LMOD2: variants seen among roughly 807,000 people sequenced by gnomAD.
The protein encoded by LMOD2 is leiomodin-2.
Under a neutral mutation model 41.7 loss-of-function variants are expected in LMOD2, and 27 were observed. The observed-to-expected ratio is 0.65, with a 90% CI of 0.48 to 0.89. The LOEUF (loss-of-function observed/expected upper bound fraction) is 0.89, where lower values mean the gene tolerates loss of function less well. Among genes scored for constraint, LMOD2 ranks in the 40% least tolerant of loss-of-function variants. LMOD2 has a pLI of 0.00. For missense variants in LMOD2, 624 were observed against 667.9 expected (o/e 0.93, Z 0.72); for synonymous variants, 251 against 244.6 (o/e 1.03, Z -0.25).
chr7:123,662,035 C>A lies in LMOD2; in HGVS notation c.449C>A (p.Thr150Asn). 6.3e-7 allele frequency: 1 copy of A among 1,582,760 alleles called. No homozygotes were observed. The highest frequency in any genetic ancestry group is 8.6e-7 in the Non-Finnish European group (1 of 1,163,412). ...TIETAKGING[T>N]VNYDSVNSDN... ...GAAACTGCAAAAGGGATTAATGGAACTGTAAATTATGATAGTGTCAATTCT... is the reference window on the plus strand; with the variant it reads ...GAAACTGCAAAAGGGATTAATGGAAATGTAAATTATGATAGTGTCAATTCT... Residue 150 changes from threonine (T) to asparagine (N), a missense_variant, in exon 2 of 3, where the codon ACT becomes AAT. By Grantham distance (65) the Thr-to-Asn change is moderately conservative. Transcript: ENST00000458573. The surrounding 1 kb of genome is among the most constrained non-coding windows in gnomAD (Gnocchi z 4.0).
intron 2 of LMOD2, chr7:123,663,406 G>A (rs1009692270): frequency 1.9e-5 from 13 of 677,814 alleles, no homozygotes; most frequent in African/African-American, 9.1e-5. Flanking sequence ...CGCCTGGGCC[G>A]CTTTCCCAGC....
rs1379393279 is a variant in LMOD2, at chr7:123,662,027, T to C, written c.441T>C (p.Ile147=). The change falls in exon 2 of 3, where the codon ATT becomes ATC. Residue 147 remains isoleucine, a synonymous_variant. Coordinates refer to ENST00000458573, the MANE Select transcript of LMOD2 (RefSeq NM_207163.3). The surrounding 1 kb of genome is among the most constrained non-coding windows in gnomAD (Gnocchi z 4.0). ...GAACAATTGAAACTGCAAAAGGGAT[T>C]AATGGAACTGTAAATTATGATAGTG... ...EERTIETAKG[I]NGTVNYDSVN... is the part of the protein sequence containing the mutation. 6.3e-7 allele frequency: 1 copy of C among 1,576,588 alleles called. No individual in the cohort carries two copies.
chr7:123,656,138 AC>A lies in LMOD2; in HGVS notation c.180del (p.Thr61GlnfsTer9). On this transcript the variant is annotated frameshift_variant, in exon 1 of 3. Transcript: ENST00000458573. LOFTEE classifies it high-confidence loss of function. The stretch of plus-strand genomic sequence containing the variant: ...AAGGCAAAAGAGCCTGACAGAGAAA[AC>A]CCCCACAGGGACATTCAGCAGAGAG... ...GLRQKSLTEK[T>X]PTGTFSREAL... 6.2e-7 allele frequency: 1 copy of A among 1,609,620 alleles called. No individual in the cohort carries two copies. The highest frequency in any genetic ancestry group is 8.5e-7 in the Non-Finnish European group (1 of 1,178,080).
chr7:123,661,292 T>C (rs1182126781), intron 1 of LMOD2, among the ~76,000 whole-genome samples: 1 of 152,214 alleles, frequency 6.6e-6, no homozygotes, highest in Non-Finnish European at 1.5e-5. Context: ...TGCTTCTGTC[T>C]ACACTGAGGC....
At chr7:123,659,006 G>A (rs563500822) in intron 1 of LMOD2, among the ~76,000 whole-genome samples, 2 of 152,160 alleles carry the variant, frequency 1.3e-5, no homozygotes, top group Non-Finnish European at 2.9e-5. Context: ...CAAAATTCAT[G>A]TATAACTTTT....
intron 1 of LMOD2, among the ~76,000 whole-genome samples, chr7:123,661,246 C>T (rs1450750099): frequency 6.6e-6 from 1 of 152,196 alleles, no homozygotes; most frequent in Non-Finnish European, 1.5e-5. Flanking sequence ...ACCGTAGAAG[C>T]AGATAAATAA....
In LMOD2 at chr7:123,663,760, G is replaced by A; in HGVS notation, c.*15G>A. 1 of 1,571,138 alleles carries A rather than the reference G, an allele frequency of 6.4e-7. No individual in the cohort carries two copies. The highest frequency in any genetic ancestry group is 8.7e-7 in the Non-Finnish European group (1 of 1,155,856). ...CCCTGCGATAAAAACATGATCTTTA[G>A]AAGAGGATGCAGAACTGTTCAGTGG... On this transcript the variant is annotated 3_prime_UTR_variant, in exon 3 of 3. Coordinates refer to ENST00000458573, the MANE Select transcript of LMOD2 (RefSeq NM_207163.3).
intron 1 of LMOD2, among the ~76,000 whole-genome samples, chr7:123,659,108 A>G (rs1482735472): frequency 6.6e-6 from 1 of 152,210 alleles, no homozygotes; most frequent in African/African-American, 2.4e-5. Context: ...TTTGAATGTG[A>G]TATGTACATA....
In LMOD2 at chr7:123,662,563, C is replaced by G. The variant is rs748703081; in HGVS notation, c.977C>G (p.Thr326Arg). The G allele has an allele frequency of 1.2e-6, 2 of 1,613,900 alleles. No individual in the cohort carries two copies. The highest frequency in any genetic ancestry group is 3.3e-5 in the Admixed American group (2 of 60,022). ...MEIVKLLKEN[T>R]TLLRLGYHFE... ...ATTGTCAAGCTGCTGAAGGAGAACA[C>G]GACGCTGCTGAGGCTGGGATACCAT... The change falls in exon 2 of 3, where the codon ACG (threonine) becomes AGG (arginine). Residue 326 changes from threonine (T) to arginine (R), a missense_variant. Coordinates refer to ENST00000458573, the MANE Select transcript of LMOD2 (RefSeq NM_207163.3). This position sits in a 1 kb window ranked among gnomAD's most constrained non-coding sequence, Gnocchi z 4.0.
At position 123,662,001 on chromosome 7, in the gene LMOD2, A is replaced by T; in HGVS notation, c.415A>T (p.Arg139Ter). 6.4e-7 allele frequency: 1 copy of T among 1,564,602 alleles called. No individual in the cohort carries two copies. Among genetic ancestry groups the T allele is most frequent in the Non-Finnish European group, 8.7e-7 (1 of 1,153,706 alleles). The change falls in exon 2 of 3, where the codon AGA becomes TGA. Residue 139 changes from arginine to a stop codon, truncating the protein, a stop_gained. Coordinates refer to ENST00000458573, the MANE Select transcript of LMOD2 (RefSeq NM_207163.3). LOFTEE classifies it high-confidence loss of function. This position sits in a 1 kb window ranked among gnomAD's most constrained non-coding sequence, Gnocchi z 4.0. ...GGAAGAAGACAGTGACGAAGAGGAA[A>T]GAACAATTGAAACTGCAAAAGGGAT... ...EEEEDSDEEE[R>*]TIETAKGING...
intron 1 of LMOD2, among the ~76,000 whole-genome samples, chr7:123,656,938 G>T (rs1477219392): frequency 1.3e-5 from 2 of 152,044 alleles, no homozygotes; most frequent in Non-Finnish European, 2.9e-5. Context: ...AATAGCCCTG[G>T]GCTTGTGCAA....
rs1258698387 is a variant in LMOD2 at position 123,662,571 on chromosome 7, C to T, written c.985C>T (p.Leu329=). Residue 329 remains leucine, a synonymous_variant, in exon 2 of 3, where the codon CTG becomes TTG. Coordinates refer to ENST00000458573, the MANE Select transcript of LMOD2 (RefSeq NM_207163.3). This position sits in a 1 kb window ranked among gnomAD's most constrained non-coding sequence, Gnocchi z 4.0. ...VKLLKENTTL[L]RLGYHFELPG... Reference sequence around the variant, plus strand: ...GCTGCTGAAGGAGAACACGACGCTGCTGAGGCTGGGATACCATTTTGAACT... The same window carrying T: ...GCTGCTGAAGGAGAACACGACGCTGTTGAGGCTGGGATACCATTTTGAACT... 2 of 1,613,950 alleles carry T rather than the reference C, an allele frequency of 1.2e-6. No homozygotes were observed. The highest frequency in any genetic ancestry group is 1.7e-6 in the Non-Finnish European group (2 of 1,179,892).
intron 1 of LMOD2, among the ~76,000 whole-genome samples, chr7:123,660,323 TCACACACACACA>T (rs35608504): frequency 6.8e-6 from 1 of 147,358 alleles, no homozygotes; most frequent in African/African-American, 2.5e-5. Context: ...TCTCTCTCTC[TCACACACACACA>T]CACACACAGA....
intron 1 of LMOD2, among the ~76,000 whole-genome samples, chr7:123,659,894 G>C (rs1156340683): frequency 6.6e-6 from 1 of 152,120 alleles, no homozygotes; most frequent in East Asian, 1.9e-4. Flanking sequence ...TACATTATAA[G>C]GGGAAAACAG....
At chr7:123,656,655 G>A (rs934134238) in intron 1 of LMOD2, among the ~76,000 whole-genome samples, 1 of 152,090 alleles carries the variant, frequency 6.6e-6, no homozygotes, top group African/African-American at 2.4e-5. Context: ...AAAGACAAAA[G>A]TGGGAACGCT....
chr7:123,662,807 C>A lies in LMOD2; in HGVS notation c.1221C>A (p.Val407=). The A allele has an allele frequency of 6.2e-7, 1 of 1,613,590 alleles. No individual in the cohort carries two copies. Among genetic ancestry groups the A allele is most frequent in the Non-Finnish European group, 8.5e-7 (1 of 1,179,808 alleles). Residue 407 remains valine (V), a synonymous_variant, in exon 2 of 3, where the codon GTC becomes GTA. Coordinates refer to ENST00000458573, the MANE Select transcript of LMOD2 (RefSeq NM_207163.3). The surrounding 1 kb of genome is among the most constrained non-coding windows in gnomAD (Gnocchi z 4.0). ...PWSSPKLPKK[V]QTVRSRPLSP... ...CATCCCCAAAACTCCCCAAAAAAGT[C>A]CAGACTGTGAGGAGCCGTCCTCTGT...
At chr7:123,656,371 A>G in intron 1 of LMOD2, 135 bp downstream of exon 1, 1 of 917,754 alleles carries the variant, frequency 1.1e-6, no homozygotes, top group Admixed American at 2.9e-5. Flanking sequence ...TTGCTACTAA[A>G]TCATTTTTCA....
rs1802780555 is a variant in LMOD2, at chr7:123,656,017, G to A, written c.54G>A (p.Glu18=). The change falls in exon 1 of 3, where the codon GAG becomes GAA. Residue 18 remains glutamate, a synonymous_variant. Transcript: ENST00000458573. ...RGLSKYESID[E]DELLASLSAE... ...TCAGTAAATACGAATCCATCGACGA[G>A]GATGAACTCCTCGCCTCCCTGTCAG... The A allele has an allele frequency of 1.2e-6, 2 of 1,610,122 alleles. No homozygotes were observed. Among genetic ancestry groups the A allele is most frequent in the Admixed American group, 1.7e-5 (1 of 59,490 alleles).
intron 1 of LMOD2, among the ~76,000 whole-genome samples, chr7:123,657,931 A>C (rs557134102): frequency 6.8e-6 from 1 of 147,632 alleles, no homozygotes; most frequent in South Asian, 2.2e-4. Flanking sequence ...TTGAGGCTGC[A>C]GTGAGCTATG....
Sources: allele counts gnomAD v4.1 joint callset (sites outside exome capture counted in the v4.1 genomes callset), GRCh38; gene constraint gnomAD v4.1.1; non-coding constraint Gnocchi (gnomAD v3.1); transcripts MANE v1.5; gene names NCBI Gene and HGNC (gene_info 2026-07-23, HGNC 2026-07-21).